EIF2AK4: variants seen among roughly 807,000 people sequenced by gnomAD.
EIF2AK4 encodes the protein eIF-2-alpha kinase GCN2.
A neutral mutation model predicts 211.1 loss-of-function variants in EIF2AK4; 139 were observed. The observed-to-expected ratio is 0.66, with a 90% CI of 0.57 to 0.76. The LOEUF (loss-of-function observed/expected upper bound fraction) is 0.76, where lower values mean the gene tolerates loss of function less well. EIF2AK4 is among the 30% of genes least tolerant of loss of function. The probability of loss-of-function intolerance (pLI) is 0.00; values close to 1 mark genes in which losing one functional copy is unlikely to be tolerated. For synonymous variants in EIF2AK4, 710 were observed against 751.3 expected, an observed-to-expected ratio of 0.94 and a Z score of 0.90; for missense variants, 1,664 against 2,043.8, an observed-to-expected ratio of 0.81 and a Z score of 3.58.
At chr15:39,959,154 C>T (rs73384401) in intron 6 of EIF2AK4, among the ~76,000 whole-genome samples, 2,716 of 152,232 alleles carry the variant, frequency 0.018, 94 homozygotes, top group African/African-American at 0.062. Context: ...CATCCATACT[C>T]TAGAATAGAT....
At position 40,035,497 on chromosome 15, in the gene EIF2AK4, C is replaced by G. The variant is rs11763; in HGVS notation, c.*413C>G. The G allele has an allele frequency of 0.14, 21,914 of 152,180 alleles. 1,739 individuals carry two copies. The highest frequency in any genetic ancestry group is 0.2 in the Middle Eastern group (57 of 292). The allele number at this position is 152,180 out of a possible 1,614,324, so 9.4% of individuals were successfully genotyped here. On this transcript the variant is annotated 3_prime_UTR_variant, in exon 39 of 39. Transcript: ENST00000263791. The stretch of plus-strand genomic sequence containing the variant: ...AAAAAAAGAAAAAAAAAATTTTTTT[C>G]TAAGAAGCTGTCCTACAAAGTTGAG...
chr15:40,026,543 C>A (rs2035468262), intron 33 of EIF2AK4, among the ~76,000 whole-genome samples: 1 of 152,190 alleles, frequency 6.6e-6, no homozygotes, highest in African/African-American at 2.4e-5. Context: ...TCTGTTGCTT[C>A]TGAATAACTC....
chr15:39,950,748 C>T (rs1207380471), intron 4 of EIF2AK4, among the ~76,000 whole-genome samples: 1 of 135,734 alleles, frequency 7.4e-6, no homozygotes, highest in Non-Finnish European at 1.6e-5. Context: ...GGTGTTCACA[C>T]ACATGTGAGA....
In EIF2AK4 at chr15:40,028,081, T is replaced by C. The variant is rs543733154; in HGVS notation, c.4503-1325T>C. Among the ~76,000 whole-genome samples the C allele has an allele frequency of 2.1e-5, 3 of 142,886 alleles. No homozygotes were observed. The South Asian group carries it at 6.4e-4, about 31-fold the overall frequency. The allele number at this position is 142,886 out of a possible 152,430, so 93.7% of individuals were successfully genotyped here. ...GCTTTTCTATATATTTGCAACTCCT[T>C]TTTTTTTTTTTGAGATAGAGTCTCA... is the stretch of plus-strand genomic sequence containing the variant. On this transcript the variant is annotated intron_variant, in intron 33 of 38. Coordinates refer to ENST00000263791, the MANE Select transcript of EIF2AK4 (RefSeq NM_001013703.4).
In EIF2AK4 at chr15:39,978,063, G is replaced by A. The variant is rs1197655027; in HGVS notation, c.2250-15G>A. The stretch of plus-strand genomic sequence containing the variant: ...GGATTTCTGTTCCTTTAGTATTTCT[G>A]TTTCCCTTTTTCAGGCCTGCTTCAG... On this transcript the variant is annotated splice_polypyrimidine_tract_variant and intron_variant, in intron 12 of 38. Coordinates refer to ENST00000263791, the MANE Select transcript of EIF2AK4 (RefSeq NM_001013703.4). The A allele has an allele frequency of 6.3e-7, 1 of 1,581,372 alleles. No individual in the cohort carries two copies. Among genetic ancestry groups the A allele is most frequent in the Non-Finnish European group, 8.6e-7 (1 of 1,157,116 alleles).
chr15:39,956,620 T>C (rs1361032381), intron 6 of EIF2AK4, among the ~76,000 whole-genome samples: 1 of 152,240 alleles, frequency 6.6e-6, no homozygotes, highest in Non-Finnish European at 1.5e-5. Flanking sequence ...CTTGTTCTTC[T>C]ATATCTTTTT....
intron 18 of EIF2AK4, among the ~76,000 whole-genome samples, chr15:39,993,912 C>G (rs1435610385): frequency 1.3e-5 from 2 of 152,006 alleles, no homozygotes; most frequent in Non-Finnish European, 2.9e-5. Flanking sequence ...AGAGATTTTC[C>G]CAATGGAAGG....
chr15:39,976,366 G>A lies in EIF2AK4; in HGVS notation c.1819-48G>A, dbSNP rs190988935. 6.5e-6 allele frequency: 10 copies of A among 1,533,560 alleles called. No homozygotes were observed. The African/African-American group carries it at 1.4e-4, about 21-fold the overall frequency. The allele number at this position is 1,533,560 out of a possible 1,614,324, so 95.0% of individuals were successfully genotyped here. On this transcript the variant is annotated intron_variant, in intron 11 of 38. Transcript: ENST00000263791. Reference sequence around the variant, plus strand: ...GGGATGGGGTGCGGTGCAAATGCCTGTTTGTGCAAGGCTCCGAGCGGCTGA... The same window carrying A: ...GGGATGGGGTGCGGTGCAAATGCCTATTTGTGCAAGGCTCCGAGCGGCTGA...
rs1173435979 is a variant in EIF2AK4 at position 39,972,696 on chromosome 15, C to T, written c.1554-212C>T. 2.6e-5 allele frequency among the ~76,000 whole-genome samples: 4 copies of T among 151,502 alleles called. No homozygotes were observed. The East Asian group carries it at 5.8e-4, about 22-fold the overall frequency. Reference sequence around the variant, plus strand: ...CATCTAGAGATGCCTTTTTTTGATTCGCCTCTTGTACCCAGCCTGTCGCAT... The same window carrying T: ...CATCTAGAGATGCCTTTTTTTGATTTGCCTCTTGTACCCAGCCTGTCGCAT... On this transcript the variant is annotated intron_variant, in intron 9 of 38. Coordinates refer to ENST00000263791, the MANE Select transcript of EIF2AK4 (RefSeq NM_001013703.4).
intron 33 of EIF2AK4, among the ~76,000 whole-genome samples, chr15:40,028,308 C>G (rs1000500677): frequency 6.6e-6 from 1 of 152,140 alleles, no homozygotes; most frequent in East Asian, 1.9e-4. Flanking sequence ...CTCCTGGACT[C>G]AAGCAACTCT....
chr15:40,007,754 A>T (rs2035180909), intron 24 of EIF2AK4, among the ~76,000 whole-genome samples: 1 of 152,212 alleles, frequency 6.6e-6, no homozygotes, highest in Admixed American at 6.5e-5. Context: ...TGTAGAAAGC[A>T]ATCACTAAGG....
intron 13 of EIF2AK4, among the ~76,000 whole-genome samples, chr15:39,982,412 C>T (rs2034803894): frequency 6.6e-6 from 1 of 152,162 alleles, no homozygotes; most frequent in Non-Finnish European, 1.5e-5. Flanking sequence ...AGGAGTTTTT[C>T]TGTTTAATAC....
At chr15:39,974,010 A>G (rs1187766222) in intron 11 of EIF2AK4, 1 of 272,782 alleles carries the variant, frequency 3.7e-6, no homozygotes, top group Non-Finnish European at 6.8e-6. Flanking sequence ...CAGCACTTCA[A>G]GTGGAATCAA....
intron 4 of EIF2AK4, among the ~76,000 whole-genome samples, chr15:39,949,707 C>T (rs2034280535): frequency 6.6e-6 from 1 of 151,952 alleles, no homozygotes; most frequent in Admixed American, 6.6e-5. Flanking sequence ...AAAAATAAGA[C>T]AGTTAATATC....
At chr15:40,028,031 A>G (rs17722502) in intron 33 of EIF2AK4, among the ~76,000 whole-genome samples, 38,267 of 152,000 alleles carry the variant, frequency 0.25, 5,900 homozygotes, top group Non-Finnish European at 0.35. Context: ...GTGGGATTAC[A>G]AGGGATCTTA....
In EIF2AK4 at chr15:40,011,322, T is replaced by C. The variant is rs1231919075; in HGVS notation, c.3735T>C (p.Cys1245=). The change falls in exon 27 of 39, where the codon TGT becomes TGC. Residue 1245 remains cysteine, a synonymous_variant. Coordinates refer to ENST00000263791, the MANE Select transcript of EIF2AK4 (RefSeq NM_001013703.4). ...LTRREVEAKF[C]NLSLSSNSLC... ...GGAGAGAAGTGGAAGCTAAATTTTGTAATCTGTCTTTGTCTTCTAATAGTG... is the reference window on the plus strand; with the variant it reads ...GGAGAGAAGTGGAAGCTAAATTTTGCAATCTGTCTTTGTCTTCTAATAGTG... 5 of 1,613,410 alleles carry C rather than the reference T, an allele frequency of 3.1e-6. No individual in the cohort carries two copies. The highest frequency in any genetic ancestry group is 3.4e-6 in the Non-Finnish European group (4 of 1,179,638).
chr15:40,028,006 T>C (rs1595438502), intron 33 of EIF2AK4, among the ~76,000 whole-genome samples: 1 of 152,086 alleles, frequency 6.6e-6, no homozygotes, highest in Non-Finnish European at 1.5e-5. Flanking sequence ...AAATTTTTAA[T>C]TGTAGTTTTG....
chr15:39,950,673 T>C (rs1428666433), intron 4 of EIF2AK4, among the ~76,000 whole-genome samples: 1 of 152,134 alleles, frequency 6.6e-6, no homozygotes, highest in African/African-American at 2.4e-5. Context: ...ACAAACCGTT[T>C]AGTTGCCATC....
Position 39,953,990 on chromosome 15 carries a change from C to T in EIF2AK4, c.594+6C>T, listed in dbSNP as rs2034356135. On this transcript the variant is annotated splice_donor_region_variant and intron_variant, in intron 5 of 38. Transcript: ENST00000263791. ...GGAAAGAAATGGCTAAGCAGGTACCCTATCAACTCCACCATAATAATTTAC... is the reference window on the plus strand; with the variant it reads ...GGAAAGAAATGGCTAAGCAGGTACCTTATCAACTCCACCATAATAATTTAC... 6.4e-7 allele frequency: 1 copy of T among 1,567,564 alleles called. No individual in the cohort carries two copies. Among genetic ancestry groups the T allele is most frequent in the South Asian group, 1.2e-5 (1 of 86,214 alleles).
Sources: gnomAD v4.1 joint callset for allele counts (sites outside exome capture counted in the v4.1 genomes callset) on GRCh38, gnomAD v4.1.1 for gene constraint, MANE v1.5 for transcripts, NCBI Gene and HGNC (gene_info 2026-07-23, HGNC 2026-07-21) for gene names.